Variants in STIM1 observed in about 807,000 individuals in gnomAD.
The protein encoded by STIM1 is stromal interaction molecule 1.
STIM1 carries 25 observed loss-of-function variants against 74.7 expected under a neutral mutation model. The ratio of observed to expected loss-of-function variants is 0.33; its 90% CI spans 0.24 to 0.47. The LOEUF (loss-of-function observed/expected upper bound fraction) is 0.47, where lower values mean the gene tolerates loss of function less well. Among genes scored for constraint, STIM1 ranks in the 20% least tolerant of loss-of-function variants. STIM1 has a pLI of 1.00. For missense variants in STIM1, 728 were observed against 920.8 expected (o/e 0.79, Z 2.71); for synonymous variants, 328 against 348.8 (o/e 0.94, Z 0.66).
intron 1 of STIM1, among the ~76,000 whole-genome samples, chr11:3,894,531 G>T (rs1043908708): frequency 6.6e-6 from 1 of 152,088 alleles, no homozygotes; most frequent in Admixed American, 6.6e-5. Flanking sequence ...CAGAGCATGG[G>T]TCCCTTTTCC....
At chr11:3,964,515 A>T (rs534778345) in intron 1 of STIM1, among the ~76,000 whole-genome samples, 2 of 152,282 alleles carry the variant, frequency 1.3e-5, no homozygotes, top group African/African-American at 4.8e-5. Flanking sequence ...GAGACTGGGT[A>T]TTTGAAGCCC....
chr11:4,035,491 C>A lies in STIM1; in HGVS notation c.385+11504C>A, dbSNP rs536469227. On this transcript the variant is annotated intron_variant, in intron 3 of 12. Transcript: ENST00000526596. ...ATCTGTTTTAGACCTTAGATCCATC[C>A]GTTATTGGTTTATCATTATATTGGA... Among the ~76,000 whole-genome samples the A allele has an allele frequency of 2.0e-5, 3 of 151,886 alleles. No homozygotes were observed. In the South Asian group the frequency reaches 6.2e-4, roughly 32 times the overall value.
chr11:3,995,016 CT>C (rs1225301230), intron 2 of STIM1, among the ~76,000 whole-genome samples: 3 of 151,988 alleles, frequency 2.0e-5, no homozygotes, highest in African/African-American at 7.3e-5. Context: ...TAATTTGTCT[CT>C]TTATTGACAT....
At chr11:3,907,903 G>A (rs2092493121) in intron 1 of STIM1, among the ~76,000 whole-genome samples, 1 of 152,326 alleles carries the variant, frequency 6.6e-6, no homozygotes, top group Non-Finnish European at 1.5e-5. Context: ...CATGGCTCAT[G>A]CCTTATTTCC....
chr11:3,915,390 C>A (rs573598565), intron 1 of STIM1, among the ~76,000 whole-genome samples: 1 of 148,266 alleles, frequency 6.7e-6, no homozygotes, highest in Non-Finnish European at 1.5e-5. Context: ...TGTATCCAGT[C>A]TAGTTTTTAA....
chr11:3,986,047 C>T (rs1187558264), intron 2 of STIM1, among the ~76,000 whole-genome samples: 1 of 151,960 alleles, frequency 6.6e-6, no homozygotes, highest in Non-Finnish European at 1.5e-5. Context: ...CTTTTTTCTT[C>T]AAACATATTT....
At chr11:4,052,335 CTA>C (rs2133066631) in intron 3 of STIM1, among the ~76,000 whole-genome samples, 1 of 152,294 alleles carries the variant, frequency 6.6e-6, no homozygotes, top group East Asian at 1.9e-4. Flanking sequence ...TGACTTCAAA[CTA>C]TACTACAAGG....
At chr11:3,917,537 C>A (rs763820092) in intron 1 of STIM1, among the ~76,000 whole-genome samples, 1 of 150,846 alleles carries the variant, frequency 6.6e-6, no homozygotes. Context: ...TGGGTTCAAA[C>A]GATCCTCCCA....
At chr11:3,993,676 A>C (rs1383893946) in intron 2 of STIM1, among the ~76,000 whole-genome samples, 2 of 152,062 alleles carry the variant, frequency 1.3e-5, no homozygotes, top group African/African-American at 2.4e-5. Context: ...AAAACGAAAC[A>C]AAAACCCCAA....
intron 7 of STIM1, among the ~76,000 whole-genome samples, chr11:4,081,170 A>G (rs898948095): frequency 7.9e-5 from 12 of 152,324 alleles, no homozygotes; most frequent in African/African-American, 1.9e-4. Flanking sequence ...GCTGGGGATA[A>G]TAAGACTGCT....
chr11:4,042,977 T>C (rs2094160187), intron 3 of STIM1, among the ~76,000 whole-genome samples: 1 of 152,188 alleles, frequency 6.6e-6, no homozygotes, highest in South Asian at 2.1e-4. Flanking sequence ...CTATTCCTAG[T>C]GCCTGGTCTC....
In STIM1 at chr11:4,070,088, G is replaced by A. The variant is rs776685559; in HGVS notation, c.676G>A (p.Gly226Ser). The A allele has an allele frequency of 3.1e-6, 5 of 1,614,168 alleles. No homozygotes were observed. The highest frequency in any genetic ancestry group is 2.7e-5 in the African/African-American group (2 of 75,038). ...LVVSIVIGVG[G>S]CWFAYIQNRY... The stretch of plus-strand genomic sequence containing the variant: ...GGTGTCTATCGTTATTGGTGTGGGC[G>A]GCTGCTGGTTTGCCTATATCCAGAA... Residue 226 changes from glycine to serine, a missense_variant, in exon 6 of 13, where the codon GGC becomes AGC. Transcript: ENST00000526596.
At chr11:4,086,346 G>T in intron 11 of STIM1, 131 bp from the exon 12 acceptor site, 1 of 1,005,526 alleles carries the variant, frequency 9.9e-7, no homozygotes, top group South Asian at 1.5e-5. Context: ...CTGGGAGGAG[G>T]TGCCCCATTC....
At chr11:3,937,477 T>G (rs770079351) in intron 1 of STIM1, among the ~76,000 whole-genome samples, 2 of 152,172 alleles carry the variant, frequency 1.3e-5, no homozygotes, top group African/African-American at 2.4e-5. Flanking sequence ...CTAAAGAATC[T>G]TATTGGCCTG....
intron 2 of STIM1, among the ~76,000 whole-genome samples, chr11:4,009,117 G>C (rs7114777): frequency 0.77 from 115,636 of 150,380 alleles, 45,491 homozygotes; most frequent in South Asian, 0.9. Flanking sequence ...CAGTGAAACC[G>C]CGTCTCTACT....
At chr11:3,982,507 A>G (rs552708607) in intron 2 of STIM1, among the ~76,000 whole-genome samples, 1 of 152,316 alleles carries the variant, frequency 6.6e-6, no homozygotes, top group South Asian at 2.1e-4. Flanking sequence ...TACCATTGCT[A>G]TGATGTACTA....
intron 2 of STIM1, among the ~76,000 whole-genome samples, chr11:3,971,631 A>G (rs2093396936): frequency 6.6e-6 from 1 of 152,198 alleles, no homozygotes; most frequent in Admixed American, 6.5e-5. Flanking sequence ...TCCAAACCTT[A>G]AAGTACCCAC....
At chr11:3,911,051 G>C (rs2092554847) in intron 1 of STIM1, among the ~76,000 whole-genome samples, 1 of 152,152 alleles carries the variant, frequency 6.6e-6, no homozygotes, top group Non-Finnish European at 1.5e-5. Context: ...GCTGGAGTCT[G>C]TGGGATTTGG....
chr11:3,895,742 T>C (rs1434488871), intron 1 of STIM1, among the ~76,000 whole-genome samples: 1 of 38,876 alleles, frequency 2.6e-5, no homozygotes, highest in Non-Finnish European at 4.2e-5. Flanking sequence ...TTCTTTTTCT[T>C]TCTTCCTTCC....
Sources: gnomAD v4.1 joint callset for allele counts (sites outside exome capture counted in the v4.1 genomes callset) on GRCh38, gnomAD v4.1.1 for gene constraint, MANE v1.5 for transcripts, NCBI Gene and HGNC (gene_info 2026-07-23, HGNC 2026-07-21) for gene names.